KCNIP4: variants seen among roughly 807,000 people sequenced by gnomAD.
KCNIP4 encodes potassium voltage-gated channel interacting protein 4, also known as Kv channel-interacting protein 4.
A neutral mutation model predicts 34.0 loss-of-function variants in KCNIP4; 12 were observed. The ratio of observed to expected loss-of-function variants is 0.35; its 90% CI spans 0.23 to 0.57. KCNIP4 has a LOEUF of 0.57. Ranked by LOEUF, KCNIP4 falls within the 20% of genes least tolerant of loss-of-function variation. The pLI, the probability that KCNIP4 is intolerant of heterozygous loss-of-function variation, is 0.83. For missense variants in KCNIP4, 238 were observed against 311.7 expected, an observed-to-expected ratio of 0.76 and a Z score of 1.78; for synonymous variants, 124 against 102.2, an observed-to-expected ratio of 1.21 and a Z score of -1.29.
chr4:20,857,714 A>T (rs1721753609), intron 2 of KCNIP4, among the ~76,000 whole-genome samples: 2 of 152,118 alleles, frequency 1.3e-5, no homozygotes, highest in Non-Finnish European at 2.9e-5. Flanking sequence ...AAATAATGAT[A>T]CAAATAATGA....
At chr4:20,827,127 G>T (rs571334526) in intron 3 of KCNIP4, among the ~76,000 whole-genome samples, 3 of 152,162 alleles carry the variant, frequency 2.0e-5, no homozygotes, top group Non-Finnish European at 4.4e-5. Flanking sequence ...GCATAGTGGA[G>T]TTCCCCTTCT....
chr4:21,878,327 C>T (rs879810978), intron 1 of KCNIP4, among the ~76,000 whole-genome samples: 2 of 152,160 alleles, frequency 1.3e-5, no homozygotes, highest in African/African-American at 2.4e-5. Context: ...CCACCTGCCT[C>T]GACCTCCCAA....
chr4:20,740,199 G>C (rs1750727064), intron 5 of KCNIP4, among the ~76,000 whole-genome samples: 1 of 152,102 alleles, frequency 6.6e-6, no homozygotes, highest in African/African-American at 2.4e-5. Context: ...AACCTAGCAA[G>C]TCAGGCCAAC....
At position 21,373,819 on chromosome 4, in the gene KCNIP4, C is replaced by T. The variant is rs1720716039; in HGVS notation, c.62-491110G>A. ...CTCCCAGGTTCAAGCAATTCTCATG[C>T]CTCAGCCTCCCGAGTAACTGGGATT... On this transcript the variant is annotated intron_variant, in intron 1 of 8. Transcript: ENST00000382152. Among the ~76,000 whole-genome samples the T allele has an allele frequency of 1.4e-5, 2 of 146,896 alleles. 1 individual carries two copies. Among genetic ancestry groups the T allele is most frequent in the Admixed American group, 1.3e-4 (2 of 15,158 alleles).
intron 1 of KCNIP4, among the ~76,000 whole-genome samples, chr4:21,843,079 C>A (rs1723785626): frequency 6.6e-6 from 1 of 152,026 alleles, no homozygotes. Flanking sequence ...TACTCAAATT[C>A]TCTTAAAGAA....
chr4:21,468,798 C>T (rs949050766), intron 1 of KCNIP4, among the ~76,000 whole-genome samples: 1 of 152,100 alleles, frequency 6.6e-6, no homozygotes, highest in Non-Finnish European at 1.5e-5. Flanking sequence ...AAAGCAAAAC[C>T]CTGTTTCGCT....
chr4:21,233,386 G>C (rs1758943150), intron 1 of KCNIP4, among the ~76,000 whole-genome samples: 1 of 152,014 alleles, frequency 6.6e-6, no homozygotes, highest in African/African-American at 2.4e-5. Flanking sequence ...TACATCCATA[G>C]TATTTTAATG....
At chr4:21,744,410 C>T (rs1451766199) in intron 1 of KCNIP4, among the ~76,000 whole-genome samples, 1 of 152,162 alleles carries the variant, frequency 6.6e-6, no homozygotes, top group East Asian at 1.9e-4. Context: ...TTTGTCTTTG[C>T]ATGGTCTACA....
intron 3 of KCNIP4, among the ~76,000 whole-genome samples, chr4:20,832,169 T>C (rs1365342077): frequency 2.0e-5 from 3 of 152,180 alleles, no homozygotes; most frequent in Non-Finnish European, 4.4e-5. Flanking sequence ...AGGCACTAAA[T>C]TGCTGTTTGG....
At chr4:21,287,852 T>C (rs1763214234) in intron 1 of KCNIP4, among the ~76,000 whole-genome samples, 1 of 152,150 alleles carries the variant, frequency 6.6e-6, no homozygotes, top group South Asian at 2.1e-4. Flanking sequence ...CAAAAAAATA[T>C]ATATATAGTT....
intron 1 of KCNIP4, among the ~76,000 whole-genome samples, chr4:21,072,461 A>G (rs1259541288): frequency 6.6e-6 from 1 of 151,486 alleles, no homozygotes; most frequent in African/African-American, 2.4e-5. Context: ...GTGTCTGTTC[A>G]TATCCTTCAC....
intron 1 of KCNIP4, among the ~76,000 whole-genome samples, chr4:21,137,236 C>T (rs1229833062): frequency 6.6e-6 from 1 of 152,142 alleles, no homozygotes; most frequent in African/African-American, 2.4e-5. Flanking sequence ...GAAGAGCTCC[C>T]TCTATCACAC....
intron 4 of KCNIP4, among the ~76,000 whole-genome samples, chr4:20,752,308 C>A (rs1407657767): frequency 6.6e-6 from 1 of 152,088 alleles, no homozygotes; most frequent in South Asian, 2.1e-4. Context: ...ATCAGCCTGC[C>A]TCAGCCTCCC....
intron 1 of KCNIP4, among the ~76,000 whole-genome samples, chr4:21,101,757 T>C (rs979902676): frequency 2.0e-5 from 3 of 152,158 alleles, no homozygotes; most frequent in South Asian, 2.1e-4. Flanking sequence ...TAAAAACAAA[T>C]GGCATACACT....
At chr4:21,589,716 C>A (rs1249919727) in intron 1 of KCNIP4, among the ~76,000 whole-genome samples, 1 of 151,872 alleles carries the variant, frequency 6.6e-6, no homozygotes, top group Non-Finnish European at 1.5e-5. Context: ...TGACACTCTT[C>A]ACAAGTGAGT....
intron 1 of KCNIP4, among the ~76,000 whole-genome samples, chr4:21,523,317 TTGTG>T (rs1156499454): frequency 6.6e-6 from 1 of 151,842 alleles, no homozygotes; most frequent in Non-Finnish European, 1.5e-5. Flanking sequence ...ATTCTATAGG[TTGTG>T]TGTGTGTGTC....
At chr4:21,912,458 G>A (rs1260311581) in intron 1 of KCNIP4, among the ~76,000 whole-genome samples, 2 of 152,298 alleles carry the variant, frequency 1.3e-5, no homozygotes, top group African/African-American at 4.8e-5. Flanking sequence ...ACAATCTAGT[G>A]TAGGAAACAA....
chr4:21,600,994 A>G (rs1743087564), intron 1 of KCNIP4, among the ~76,000 whole-genome samples: 2 of 151,922 alleles, frequency 1.3e-5, no homozygotes, highest in South Asian at 2.1e-4. Context: ...AAAGAAGGCC[A>G]TCACTATTCC....
chr4:21,876,689 TGTGC>T (rs1319419146), intron 1 of KCNIP4, among the ~76,000 whole-genome samples: 207 of 152,324 alleles, frequency 1.4e-3, no homozygotes, highest in African/African-American at 4.7e-3. Flanking sequence ...GAAAACAGAA[TGTGC>T]TGAATTTTGA....
Sources: allele counts gnomAD v4.1 joint callset (sites outside exome capture counted in the v4.1 genomes callset), GRCh38; gene constraint gnomAD v4.1.1; transcripts MANE v1.5; gene names NCBI Gene and HGNC (gene_info 2026-07-23, HGNC 2026-07-21).